The following EPHA6 variants were observed in gnomAD, a reference collection of about 807,000 sequenced individuals.
The protein encoded by EPHA6 is EPH receptor A6, also known as ephrin type-A receptor 6.
EPHA6 carries 50 observed loss-of-function variants against 112.0 expected under a neutral mutation model. The observed-to-expected ratio is 0.45, with a 90% CI of 0.36 to 0.56. EPHA6 has a LOEUF of 0.56. Ranked by LOEUF, EPHA6 falls within the 20% of genes least tolerant of loss-of-function variation. EPHA6 has a pLI of 0.00. For synonymous variants in EPHA6, 529 were observed against 490.7 expected (o/e 1.08, Z -1.03); for missense variants, 1,280 against 1,417.4 (o/e 0.90, Z 1.56).
intron 2 of EPHA6, among the ~76,000 whole-genome samples, chr3:96,983,634 G>A (rs1044016965): frequency 6.6e-4 from 101 of 152,250 alleles, no homozygotes; most frequent in African/African-American, 2.3e-3. Flanking sequence ...TCTGGATAAT[G>A]TCCTGCAGAG....
chr3:96,909,524 TAATAAA>T (rs1364341587), intron 2 of EPHA6, among the ~76,000 whole-genome samples: 1 of 151,956 alleles, frequency 6.6e-6, no homozygotes, highest in Non-Finnish European at 1.5e-5. Flanking sequence ...TGTATGATTA[TAATAAA>T]AATAAAAGTA....
At chr3:97,178,108 AT>A (rs913593853) in intron 3 of EPHA6, among the ~76,000 whole-genome samples, 17 of 151,544 alleles carry the variant, frequency 1.1e-4, no homozygotes, top group African/African-American at 4.1e-4. Flanking sequence ...TTTTGTTTTT[AT>A]GTTTTTGTGT....
At chr3:97,702,278 T>C (rs1009732597) in intron 14 of EPHA6, among the ~76,000 whole-genome samples, 2 of 152,206 alleles carry the variant, frequency 1.3e-5, no homozygotes, top group African/African-American at 4.8e-5. Context: ...TTTTTTCTCC[T>C]TTAATGCCAA....
At chr3:96,992,474 G>T (rs1390205380) in intron 3 of EPHA6, among the ~76,000 whole-genome samples, 1 of 152,156 alleles carries the variant, frequency 6.6e-6, no homozygotes, top group Admixed American at 6.6e-5. Context: ...CAGTTATTTG[G>T]AGGTTTAACA....
chr3:96,943,141 C>T (rs970394020), intron 2 of EPHA6, among the ~76,000 whole-genome samples: 4 of 152,052 alleles, frequency 2.6e-5, no homozygotes, highest in Non-Finnish European at 5.9e-5. Context: ...CAGGTTCATC[C>T]GTGTTGCAGC....
intron 10 of EPHA6, among the ~76,000 whole-genome samples, chr3:97,509,642 G>T (rs774728096): frequency 2.0e-5 from 3 of 152,066 alleles, no homozygotes; most frequent in African/African-American, 4.8e-5. Flanking sequence ...TTCAACCTTA[G>T]TGAATCTGAC....
At chr3:97,060,421 T>TG (rs2045982313) in intron 3 of EPHA6, among the ~76,000 whole-genome samples, 5 of 152,270 alleles carry the variant, frequency 3.3e-5, no homozygotes, top group Admixed American at 3.3e-4. Context: ...AACATATATA[T>TG]TACAGTGAGA....
chr3:97,462,499 T>A (rs549150709), intron 7 of EPHA6, among the ~76,000 whole-genome samples: 1 of 152,274 alleles, frequency 6.6e-6, no homozygotes. Context: ...GACTTATGTA[T>A]CATAGCCACC....
chr3:97,585,454 G>T, intron 11 of EPHA6, among the ~76,000 whole-genome samples: 1 of 152,078 alleles, frequency 6.6e-6, no homozygotes, highest in East Asian at 1.9e-4. Context: ...ATAACTCAGG[G>T]AAAAAATGAA....
In EPHA6 at chr3:96,980,456, C is replaced by T. The variant is rs577291005; in HGVS notation, c.451-6874C>T. Among the ~76,000 whole-genome samples, 30 of 152,286 alleles carry T rather than the reference C, an allele frequency of 2.0e-4. 1 individual carries two copies. In the Middle Eastern group the frequency reaches 0.027, roughly 138 times the overall value. ...ACCATGCTGTTTTGGTTACTGTAGC[C>T]TTGTAGTATAGTTTGAAGTCAGGTA... On this transcript the variant is annotated intron_variant, in intron 2 of 17. Coordinates refer to ENST00000389672, the MANE Select transcript of EPHA6 (RefSeq NM_001080448.3).
chr3:97,600,436 G>A (rs1391333718), intron 12 of EPHA6, among the ~76,000 whole-genome samples: 13 of 151,280 alleles, frequency 8.6e-5, no homozygotes, highest in South Asian at 4.2e-4. Context: ...TTTGAAATAC[G>A]TCCCATCAAT....
At chr3:97,079,980 T>C (rs533888753) in intron 3 of EPHA6, among the ~76,000 whole-genome samples, 3 of 151,896 alleles carry the variant, frequency 2.0e-5, no homozygotes, top group African/African-American at 4.8e-5. Context: ...TTTAATAGAA[T>C]GCACTGTAGT....
At chr3:96,943,471 A>G (rs2041088410) in intron 2 of EPHA6, among the ~76,000 whole-genome samples, 1 of 152,204 alleles carries the variant, frequency 6.6e-6, no homozygotes, top group Admixed American at 6.5e-5. Flanking sequence ...CAGATTTTAT[A>G]TATTAAATGC....
chr3:97,059,065 A>G (rs2045940046), intron 3 of EPHA6, among the ~76,000 whole-genome samples: 1 of 152,168 alleles, frequency 6.6e-6, no homozygotes, highest in Non-Finnish European at 1.5e-5. Flanking sequence ...ATGAGGAAAA[A>G]GACAAGCCTT....
chr3:97,232,887 C>A (rs777032855), intron 4 of EPHA6, among the ~76,000 whole-genome samples: 1 of 152,124 alleles, frequency 6.6e-6, no homozygotes, highest in Non-Finnish European at 1.5e-5. Flanking sequence ...GGGCCACATG[C>A]ACAGTATGTT....
At chr3:97,176,329 A>G (rs1007218511) in intron 3 of EPHA6, among the ~76,000 whole-genome samples, 5 of 151,746 alleles carry the variant, frequency 3.3e-5, no homozygotes, top group Admixed American at 2.6e-4. Flanking sequence ...TTTCATCAAT[A>G]TTTGTCAGAG....
intron 3 of EPHA6, among the ~76,000 whole-genome samples, chr3:97,211,901 C>A (rs941979661): frequency 2.0e-5 from 3 of 151,956 alleles, no homozygotes; most frequent in African/African-American, 7.2e-5. Flanking sequence ...TAAGAATAAC[C>A]AAAATATTAT....
intron 2 of EPHA6, among the ~76,000 whole-genome samples, chr3:96,977,973 A>T (rs1308786426): frequency 3.9e-5 from 6 of 152,130 alleles, no homozygotes; most frequent in Admixed American, 3.9e-4. Flanking sequence ...AGCCTGGGCA[A>T]CATGGCAAAA....
chr3:97,096,185 A>AAAAT (rs1407243562), intron 3 of EPHA6, among the ~76,000 whole-genome samples: 2 of 151,818 alleles, frequency 1.3e-5, no homozygotes, highest in African/African-American at 2.4e-5. Context: ...TATATGGAGG[A>AAAAT]AAATGTATTT....
Sources: allele counts gnomAD v4.1 joint callset (sites outside exome capture counted in the v4.1 genomes callset), GRCh38; gene constraint gnomAD v4.1.1; transcripts MANE v1.5; gene names NCBI Gene and HGNC (gene_info 2026-07-23, HGNC 2026-07-21).